The following DSCAM variants were observed in gnomAD, a reference collection of about 807,000 sequenced individuals.
DSCAM encodes DS cell adhesion molecule, also known as cell adhesion molecule DSCAM.
A neutral mutation model predicts 217.7 loss-of-function variants in DSCAM; 47 were observed. The observed-to-expected ratio is 0.22, with a 90% CI of 0.17 to 0.28. DSCAM has a LOEUF of 0.28. Ranked by LOEUF, DSCAM falls within the 10% of genes least tolerant of loss-of-function variation. The probability of loss-of-function intolerance (pLI) is 1.00; values close to 1 mark genes in which losing one functional copy is unlikely to be tolerated. For missense variants in DSCAM, 2,080 were observed against 2,618.3 expected (o/e 0.79, Z 4.49); for synonymous variants, 1,056 against 1,015.3 (o/e 1.04, Z -0.76).
chr21:40,259,661 CTTTTTTTTT>C (rs542106779), intron 11 of DSCAM, among the ~76,000 whole-genome samples: 165 of 59,510 alleles, frequency 2.8e-3, no homozygotes, highest in African/African-American at 7.3e-3. Flanking sequence ...GTCAGCCATT[CTTTTTTTTT>C]TTTTTTTTTT....
chr21:40,194,218 C>G (rs2090983939), intron 11 of DSCAM, among the ~76,000 whole-genome samples: 1 of 152,100 alleles, frequency 6.6e-6, no homozygotes, highest in South Asian at 2.1e-4. Flanking sequence ...TTATTAAATT[C>G]AGCACTTAGA....
intron 11 of DSCAM, among the ~76,000 whole-genome samples, chr21:40,236,995 C>A (rs916512675): frequency 6.6e-6 from 1 of 152,202 alleles, no homozygotes; most frequent in Admixed American, 6.5e-5. Context: ...ATCACACATC[C>A]CAGCGCTAGC....
chr21:40,015,268 C>A (rs746747237), intron 32 of DSCAM, among the ~76,000 whole-genome samples: 185 of 152,186 alleles, frequency 1.2e-3, no homozygotes, highest in Non-Finnish European at 1.6e-3. Context: ...GAAGGCCAAC[C>A]CCATCCCCTC....
intron 1 of DSCAM, among the ~76,000 whole-genome samples, chr21:40,739,132 T>C (rs2091096253): frequency 1.3e-5 from 2 of 152,198 alleles, no homozygotes; most frequent in African/African-American, 2.4e-5. Flanking sequence ...AGGATTATAG[T>C]CTTATCTTGT....
At chr21:40,113,865 G>A (rs1043403615) in intron 20 of DSCAM, among the ~76,000 whole-genome samples, 1 of 151,956 alleles carries the variant, frequency 6.6e-6, no homozygotes, top group Non-Finnish European at 1.5e-5. Flanking sequence ...GGGATGTGAA[G>A]GACCTCTTCA....
chr21:40,668,901 A>T (rs1473754587), intron 3 of DSCAM, among the ~76,000 whole-genome samples: 3 of 152,090 alleles, frequency 2.0e-5, no homozygotes, highest in Non-Finnish European at 4.4e-5. Flanking sequence ...CAAAGAAAAG[A>T]TACAGAAATT....
chr21:40,533,467 A>C (rs2076465608), intron 3 of DSCAM, among the ~76,000 whole-genome samples: 1 of 150,878 alleles, frequency 6.6e-6, no homozygotes, highest in Non-Finnish European at 1.5e-5. Context: ...CCCATCGTCC[A>C]TCCATCCGTC....
intron 32 of DSCAM, among the ~76,000 whole-genome samples, chr21:40,030,459 G>A (rs1053864546): frequency 3.9e-5 from 6 of 152,176 alleles, no homozygotes; most frequent in African/African-American, 9.7e-5. Flanking sequence ...GCAATGAGAC[G>A]TAAATGATGG....
intron 3 of DSCAM, among the ~76,000 whole-genome samples, chr21:40,494,260 T>C (rs1416605976): frequency 6.6e-6 from 1 of 152,110 alleles, no homozygotes; most frequent in Non-Finnish European, 1.5e-5. Context: ...AGTGGATAAG[T>C]GGATTTAAAA....
At chr21:40,771,359 G>GAGT (rs1361466227) in intron 1 of DSCAM, among the ~76,000 whole-genome samples, 1 of 152,180 alleles carries the variant, frequency 6.6e-6, no homozygotes, top group Non-Finnish European at 1.5e-5. Context: ...ATGGAGGAGG[G>GAGT]AGTATTGGGA....
rs978588954 is a variant in DSCAM, at chr21:40,484,087, G to A, written c.509-114842C>T. Among the ~76,000 whole-genome samples the A allele has an allele frequency of 2.4e-4, 37 of 152,212 alleles. 1 individual carries two copies. The highest frequency in any genetic ancestry group is 7.7e-4 in the African/African-American group (32 of 41,450). ...AGACAAGGTTCTTGCTTTCGAGAAT[G>A]TCTCAACCCACCCAAACTCATCTAA... On this transcript the variant is annotated intron_variant, in intron 3 of 32. Transcript: ENST00000400454.
intron 18 of DSCAM, among the ~76,000 whole-genome samples, chr21:40,140,963 A>G (rs1216835997): frequency 2.6e-5 from 4 of 151,980 alleles, no homozygotes; most frequent in African/African-American, 4.8e-5. Flanking sequence ...ATTGCCTCCC[A>G]TGGCTGGTAG....
At chr21:40,629,122 ATTAC>A (rs141554647) in intron 3 of DSCAM, among the ~76,000 whole-genome samples, 18,292 of 148,658 alleles carry the variant, frequency 0.12, 1,299 homozygotes, top group Middle Eastern at 0.2. Context: ...TGTGTGTGAT[ATTAC>A]TTACTCTATG....
intron 8 of DSCAM, among the ~76,000 whole-genome samples, chr21:40,316,962 G>A (rs576472707): frequency 2.0e-5 from 3 of 151,492 alleles, no homozygotes; most frequent in African/African-American, 4.9e-5. Flanking sequence ...TGGGGTGCTC[G>A]TCAATTCTGG....
chr21:40,825,402 C>T (rs1486817601), intron 1 of DSCAM, among the ~76,000 whole-genome samples: 1 of 152,078 alleles, frequency 6.6e-6, no homozygotes, highest in Non-Finnish European at 1.5e-5. Context: ...ACTGCAACCT[C>T]TGCCTCCCGG....
intron 11 of DSCAM, among the ~76,000 whole-genome samples, chr21:40,205,146 A>T (rs2837498): frequency 0.011 from 1,612 of 152,178 alleles, 30 homozygotes; most frequent in African/African-American, 0.036. Context: ...ACATGTGTAA[A>T]GGTCCCTCCC....
intron 31 of DSCAM, 51 bp downstream of exon 31, chr21:40,044,027 G>A (rs1321122180): frequency 6.3e-7 from 1 of 1,591,560 alleles, no homozygotes; most frequent in African/African-American, 1.3e-5. Flanking sequence ...AGCTCAAGGT[G>A]CGGGGGCCGT....
At chr21:40,272,955 G>A (rs9974555) in intron 11 of DSCAM, among the ~76,000 whole-genome samples, 1 of 151,782 alleles carries the variant, frequency 6.6e-6, no homozygotes, top group African/African-American at 2.4e-5. Context: ...CATTAGAGTT[G>A]CTAAAGACAC....
intron 3 of DSCAM, among the ~76,000 whole-genome samples, chr21:40,571,841 C>T (rs2076808958): frequency 6.6e-6 from 1 of 152,178 alleles, no homozygotes; most frequent in Non-Finnish European, 1.5e-5. Flanking sequence ...CTGCCCACCT[C>T]AGCCTCCCAA....
Sources: gnomAD v4.1 joint callset for allele counts (sites outside exome capture counted in the v4.1 genomes callset) on GRCh38, gnomAD v4.1.1 for gene constraint, MANE v1.5 for transcripts, NCBI Gene and HGNC (gene_info 2026-07-23, HGNC 2026-07-21) for gene names.